CCNY: variants seen among roughly 807,000 people sequenced by gnomAD.
CCNY encodes the protein cyclin Y.
In CCNY, 19 loss-of-function variants were observed where a neutral mutation model predicts 42.8. That is an observed-to-expected ratio of 0.44 (90% CI 0.31 to 0.65). The LOEUF is 0.65. Ranked by LOEUF, CCNY falls within the 30% of genes least tolerant of loss-of-function variation. The pLI is 0.07. For synonymous variants in CCNY, 165 were observed against 162.7 expected, an observed-to-expected ratio of 1.01 and a Z score of -0.11; for missense variants, 370 against 437.3, an observed-to-expected ratio of 0.85 and a Z score of 1.37.
chr10:35,490,644 G>A (rs1011223316), intron 2 of CCNY, among the ~76,000 whole-genome samples: 24 of 152,202 alleles, frequency 1.6e-4, no homozygotes, highest in African/African-American at 5.5e-4. Context: ...ACCCAGAGCC[G>A]GAAGTCTTTC....
intron 1 of CCNY, among the ~76,000 whole-genome samples, chr10:35,435,013 G>C (rs550364345): frequency 2.8e-4 from 43 of 152,286 alleles, no homozygotes; most frequent in Admixed American, 1.9e-3. Flanking sequence ...AGAAGGCAGG[G>C]GGCGAGGAGG....
At chr10:35,482,749 GGTGTGTGTGTGTGTGTGTGTGTGTGTGT>G (rs56033862) in intron 1 of CCNY, among the ~76,000 whole-genome samples, 4 of 128,942 alleles carry the variant, frequency 3.1e-5, no homozygotes, top group Non-Finnish European at 4.9e-5. Flanking sequence ...GCTGGAAATA[GGTGTGTGTGTGTGTGTGTGTGTGTGTGT>G]GTGTGTGTGT....
At chr10:35,471,306 G>A (rs1284151024) in intron 1 of CCNY, among the ~76,000 whole-genome samples, 5 of 152,084 alleles carry the variant, frequency 3.3e-5, no homozygotes, top group African/African-American at 1.2e-4. Context: ...TTGCTTTGGC[G>A]CCTCCTCTCC....
chr10:35,418,197 G>C (rs1838068172), intron 1 of CCNY, among the ~76,000 whole-genome samples: 1 of 152,170 alleles, frequency 6.6e-6, no homozygotes, highest in South Asian at 2.1e-4. Context: ...CAACAGCAGG[G>C]AGCAGGGAAG....
chr10:35,260,488 G>T (rs563962339), intron 3 of CCNY, among the ~76,000 whole-genome samples: 1 of 152,224 alleles, frequency 6.6e-6, no homozygotes, highest in Non-Finnish European at 1.5e-5. Context: ...GATCTGGGAA[G>T]TTGAGAAAGC....
At chr10:35,258,071 T>C (rs1194027937) in intron 3 of CCNY, among the ~76,000 whole-genome samples, 2 of 152,182 alleles carry the variant, frequency 1.3e-5, no homozygotes, top group Admixed American at 1.3e-4. Context: ...AGCTCTAGAA[T>C]TTTTTTGTTT....
intron 3 of CCNY, among the ~76,000 whole-genome samples, chr10:35,309,036 TG>T (rs1835649992): frequency 6.6e-6 from 1 of 151,990 alleles, no homozygotes; most frequent in Admixed American, 6.6e-5. Flanking sequence ...CTTAGGGGAA[TG>T]TGTGGGAATC....
chr10:35,559,220 TG>T (rs1416779500), intron 8 of CCNY, among the ~76,000 whole-genome samples: 1 of 152,204 alleles, frequency 6.6e-6, no homozygotes, highest in East Asian at 1.9e-4. Flanking sequence ...AGCATGTTCC[TG>T]GGAGCTGGAG....
At chr10:35,482,746 A>G (rs1325731689) in intron 1 of CCNY, among the ~76,000 whole-genome samples, 1 of 101,372 alleles carries the variant, frequency 9.9e-6, no homozygotes, top group Non-Finnish European at 2.1e-5. Context: ...GAAGCTGGAA[A>G]TAGGTGTGTG....
At position 35,307,819 on chromosome 10, in the gene CCNY, T is replaced by TATA. The variant is rs1491097899; in HGVS notation, c.-9+57193_-9+57194insATA. Among the ~76,000 whole-genome samples, 33 of 33,666 alleles carry TATA rather than the reference T, an allele frequency of 9.8e-4. 1 individual carries two copies. The highest frequency in any genetic ancestry group is 2.0e-3 in the African/African-American group (26 of 12,776). The allele number at this position is 33,666 out of a possible 152,430, so 22.1% of individuals were successfully genotyped here. On this transcript the variant is annotated intron_variant, in intron 3 of 11. Transcript: ENST00000374706. ...GTGTGTGTATATATATATATATATATTTTTTTTTTTTTTTCTGAGATGGAG... is the reference window on the plus strand; with the variant it reads ...GTGTGTGTATATATATATATATATATATATTTTTTTTTTTTTTCTGAGATGGAG...
Position 35,439,707 on chromosome 10 carries a change from A to ATT in CCNY, c.155-43684_155-43683dup, listed in dbSNP as rs111706337. Among the ~76,000 whole-genome samples the ATT allele has an allele frequency of 8.5e-3, 1,207 of 141,390 alleles. 21 individuals carry two copies. The highest frequency in any genetic ancestry group is 0.028 in the African/African-American group (1,093 of 38,956). 92.8% of individuals were successfully genotyped at this position (141,390 alleles called of 152,430 possible). Reference sequence around the variant, plus strand: ...ATCTAGCTTCTTGGTAGGATGAGTGATTTTTTTTTTTTTTAATTGAAACCT... The same window carrying ATT: ...ATCTAGCTTCTTGGTAGGATGAGTGATTTTTTTTTTTTTTTTAATTGAAACCT... On this transcript the variant is annotated intron_variant, in intron 1 of 9. Coordinates refer to ENST00000374704, the MANE Select transcript of CCNY (RefSeq NM_145012.6).
chr10:35,451,680 C>G (rs1419650496), intron 1 of CCNY, among the ~76,000 whole-genome samples: 1 of 152,208 alleles, frequency 6.6e-6, no homozygotes, highest in Non-Finnish European at 1.5e-5. Context: ...AGCCCAGGAG[C>G]CTCCTGAGGC....
intron 7 of CCNY, among the ~76,000 whole-genome samples, chr10:35,547,720 T>G (rs1368822207): frequency 6.6e-6 from 1 of 152,158 alleles, no homozygotes; most frequent in African/African-American, 2.4e-5. Flanking sequence ...TGCGGTCCCT[T>G]GTCGTCCCTG....
chr10:35,448,740 A>G (rs1390810189), intron 1 of CCNY, among the ~76,000 whole-genome samples: 1 of 151,950 alleles, frequency 6.6e-6, no homozygotes, highest in East Asian at 1.9e-4. Flanking sequence ...TCAGAGAGGC[A>G]GCAGGGGCAG....
chr10:35,459,238 C>T (rs1442092399), intron 1 of CCNY, among the ~76,000 whole-genome samples: 2 of 152,286 alleles, frequency 1.3e-5, no homozygotes, highest in African/African-American at 2.4e-5. Flanking sequence ...AAGAGGCTCC[C>T]GGGCCAGCGC....
chr10:35,277,263 A>G (rs1795729445), intron 3 of CCNY, among the ~76,000 whole-genome samples: 1 of 152,222 alleles, frequency 6.6e-6, no homozygotes, highest in South Asian at 2.1e-4. Context: ...AGGCTTCTGC[A>G]ACATCTTTAA....
intron 1 of CCNY, among the ~76,000 whole-genome samples, chr10:35,366,071 CTTCTTT>C (rs927016315): frequency 6.6e-6 from 1 of 152,178 alleles, no homozygotes; most frequent in Non-Finnish European, 1.5e-5. Flanking sequence ...TAAATGCAGA[CTTCTTT>C]TTCTTTTTCT....
At chr10:35,537,373 G>T (rs1055698549) in intron 7 of CCNY, among the ~76,000 whole-genome samples, 1 of 152,202 alleles carries the variant, frequency 6.6e-6, no homozygotes, top group African/African-American at 2.4e-5. Context: ...GTCCCTGCTG[G>T]GGCACTGCCT....
At chr10:35,371,815 A>C (rs1239288205) in intron 1 of CCNY, among the ~76,000 whole-genome samples, 1 of 152,208 alleles carries the variant, frequency 6.6e-6, no homozygotes, top group African/African-American at 2.4e-5. Flanking sequence ...CACAGAAGTC[A>C]GAGGAGGAAA....
Sources: allele counts gnomAD v4.1 joint callset (sites outside exome capture counted in the v4.1 genomes callset), GRCh38; gene constraint gnomAD v4.1.1; transcripts MANE v1.5; gene names NCBI Gene and HGNC (gene_info 2026-07-23, HGNC 2026-07-21).